MCC: variants seen among roughly 807,000 people sequenced by gnomAD.
MCC encodes colorectal mutant cancer protein.
MCC carries 90 observed loss-of-function variants against 116.2 expected under a neutral mutation model. That is an observed-to-expected ratio of 0.77 (90% CI 0.65 to 0.92). The LOEUF is 0.92. Among genes scored for constraint, MCC ranks in the 40% least tolerant of loss-of-function variants. The pLI is 0.00. For synonymous variants in MCC, 578 were observed against 510.5 expected (o/e 1.13, Z -1.78); for missense variants, 1,516 against 1,312.2 (o/e 1.16, Z -2.40).
chr5:113,052,816 A>C (rs1752572096), intron 15 of MCC, among the ~76,000 whole-genome samples: 1 of 152,096 alleles, frequency 6.6e-6, no homozygotes, highest in Non-Finnish European at 1.5e-5. Flanking sequence ...GAAAGTCCCA[A>C]TCCTCCAACA....
chr5:113,373,186 A>C (rs531281154), intron 2 of MCC, among the ~76,000 whole-genome samples: 1 of 147,194 alleles, frequency 6.8e-6, no homozygotes, highest in East Asian at 2.0e-4. Context: ...CTCAAAAAAA[A>C]ATAAAATAAA....
At chr5:113,248,465 G>C (rs1426170354) in intron 3 of MCC, among the ~76,000 whole-genome samples, 1 of 152,094 alleles carries the variant, frequency 6.6e-6, no homozygotes, top group African/African-American at 2.4e-5. Flanking sequence ...TCTGAGTAAA[G>C]TCGATACAGG....
chr5:113,366,551 T>A (rs983403739), intron 2 of MCC, among the ~76,000 whole-genome samples: 1 of 152,160 alleles, frequency 6.6e-6, no homozygotes, highest in South Asian at 2.1e-4. Flanking sequence ...GCTTCTAGAT[T>A]TTTTAAAAAA....
intron 3 of MCC, among the ~76,000 whole-genome samples, chr5:113,159,165 A>C (rs1201552339): frequency 6.6e-6 from 1 of 152,110 alleles, no homozygotes; most frequent in Non-Finnish European, 1.5e-5. Context: ...TGTCCTCTGT[A>C]GAAGGGTTTG....
chr5:113,270,086 G>A (rs1437809996), intron 3 of MCC, among the ~76,000 whole-genome samples: 2 of 152,090 alleles, frequency 1.3e-5, no homozygotes, highest in East Asian at 3.8e-4. Context: ...CAGGGTGTAG[G>A]ATGCTAAAGA....
chr5:113,115,777 T>C (rs1021589007), intron 6 of MCC, among the ~76,000 whole-genome samples: 7 of 152,302 alleles, frequency 4.6e-5, no homozygotes, highest in African/African-American at 7.2e-5. Flanking sequence ...TATTTGACTA[T>C]TGATCACCTG....
At position 113,115,112 on chromosome 5, in the gene MCC, T is replaced by G. The variant is rs957940176; in HGVS notation, c.1027+7572A>C. On this transcript the variant is annotated intron_variant, in intron 6 of 18. Coordinates refer to ENST00000408903, the MANE Select transcript of MCC (RefSeq NM_001085377.2). The stretch of plus-strand genomic sequence containing the variant: ...TCACAGATCCTCCCCCCTGAGACGC[T>G]ACTGTGGGGCCATCACGGAGTTTTG... Among the ~76,000 whole-genome samples the G allele has an allele frequency of 3.3e-5, 5 of 152,158 alleles. No homozygotes were observed. In the South Asian group the frequency reaches 1.0e-3, roughly 32 times the overall value.
chr5:113,167,347 T>C (rs1180743653), intron 3 of MCC, among the ~76,000 whole-genome samples: 1 of 152,344 alleles, frequency 6.6e-6, no homozygotes, highest in African/African-American at 2.4e-5. Flanking sequence ...GCGCACTTCA[T>C]TCCCTGATGT....
chr5:113,162,238 G>C (rs1351192663), intron 3 of MCC, among the ~76,000 whole-genome samples: 2 of 152,162 alleles, frequency 1.3e-5, no homozygotes, highest in Admixed American at 1.3e-4. Flanking sequence ...AGATTAGGTA[G>C]AAAGAAAACA....
At chr5:113,115,467 C>T (rs1757342245) in intron 6 of MCC, among the ~76,000 whole-genome samples, 1 of 152,140 alleles carries the variant, frequency 6.6e-6, no homozygotes, top group African/African-American at 2.4e-5. Flanking sequence ...AGATTTCTGA[C>T]ACAATTTGTT....
chr5:113,449,728 T>G lies in MCC; in HGVS notation c.170+38517A>C, dbSNP rs79171725. On this transcript the variant is annotated intron_variant, in intron 1 of 18. Transcript: ENST00000408903. ...ATAGCTGTTACATCCCAGGACAGTC[T>G]ACATGTGGGTTTGGGAAGTGGAGGA... Among the ~76,000 whole-genome samples the G allele has an allele frequency of 8.5e-3, 1,295 of 152,326 alleles. 22 individuals carry two copies. The highest frequency in any genetic ancestry group is 0.03 in the African/African-American group (1,241 of 41,568).
intron 14 of MCC, among the ~76,000 whole-genome samples, chr5:113,056,620 C>A (rs1752852988): frequency 6.6e-6 from 1 of 152,082 alleles, no homozygotes; most frequent in Non-Finnish European, 1.5e-5. Flanking sequence ...ATGACTAATG[C>A]ATACGAAGCT....
chr5:113,078,197 C>G (rs558470989), intron 11 of MCC, among the ~76,000 whole-genome samples: 13 of 152,242 alleles, frequency 8.5e-5, no homozygotes, highest in Non-Finnish European at 7.4e-5. Context: ...CAGGACCAGA[C>G]AGATTCACAG....
chr5:113,411,718 G>C (rs936379035), intron 1 of MCC, among the ~76,000 whole-genome samples: 4 of 152,128 alleles, frequency 2.6e-5, no homozygotes, highest in African/African-American at 9.7e-5. Flanking sequence ...CCATTCTGTA[G>C]GTTGCCTGTT....
intron 3 of MCC, among the ~76,000 whole-genome samples, chr5:113,333,809 G>GTATATATGTACATATATA (rs1767766231): frequency 1.2e-5 from 1 of 86,572 alleles, no homozygotes; most frequent in Non-Finnish European, 2.6e-5. Context: ...ATGTATATAT[G>GTATATATGTACATATATA]TATATATGTA....
chr5:113,356,834 C>G (rs1377622227), intron 2 of MCC, among the ~76,000 whole-genome samples: 1 of 152,222 alleles, frequency 6.6e-6, no homozygotes, highest in Non-Finnish European at 1.5e-5. Context: ...TGACAGCTAA[C>G]AGCTATTCAA....
intron 1 of MCC, among the ~76,000 whole-genome samples, chr5:113,422,616 T>G (rs1002446169): frequency 1.5e-4 from 23 of 152,186 alleles, no homozygotes; most frequent in Non-Finnish European, 1.5e-5. Flanking sequence ...TGTTGTGGCA[T>G]TATCAGGTAT....
In MCC at chr5:113,023,867, C is replaced by G. The variant is rs1326497476; in HGVS notation, c.*3435G>C. On this transcript the variant is annotated 3_prime_UTR_variant, in exon 19 of 19. Transcript: ENST00000408903. The stretch of plus-strand genomic sequence containing the variant: ...TAATTCTCGTGGGCCATAGGAAACA[C>G]CTTCAGAAGGGAACAAGCAACTATG... 1.3e-5 allele frequency: 2 copies of G among 152,172 alleles called. No homozygotes were observed. Among genetic ancestry groups the G allele is most frequent in the Non-Finnish European group, 2.9e-5 (2 of 68,030 alleles). The allele number at this position is 152,172 out of a possible 1,614,324, so 9.4% of individuals were successfully genotyped here. A position where few individuals can be genotyped will look rare whatever the true frequency, so the allele number is the denominator to read the frequency against.
At chr5:113,467,249 A>T (rs887575020) in intron 1 of MCC, among the ~76,000 whole-genome samples, 95 of 151,180 alleles carry the variant, frequency 6.3e-4, no homozygotes, top group Admixed American at 1.5e-3. Context: ...TTAGACATGA[A>T]GTCCTTGCCC....
Sources: allele counts gnomAD v4.1 joint callset (sites outside exome capture counted in the v4.1 genomes callset), GRCh38; gene constraint gnomAD v4.1.1; transcripts MANE v1.5; gene names NCBI Gene and HGNC (gene_info 2026-07-23, HGNC 2026-07-21).